Variants in TBCE observed in about 807,000 individuals in gnomAD.
TBCE encodes tubulin folding cofactor E.
A neutral mutation model predicts 77.0 loss-of-function variants in TBCE; 53 were observed. That is an observed-to-expected ratio of 0.69 (90% CI 0.55 to 0.87). The LOEUF is 0.87. Ranked by LOEUF, TBCE falls within the 40% of genes least tolerant of loss-of-function variation. TBCE has a pLI of 0.00. For missense variants in TBCE, 624 were observed against 622.4 expected (o/e 1.00, Z -0.03); for synonymous variants, 235 against 241.3 (o/e 0.97, Z 0.24).
At position 235,451,488 on chromosome 1, in the gene TBCE, A is replaced by AAAAAG. The variant is rs1553342379; in HGVS notation, c.*2728_*2732dup. 138 of 151,976 alleles carry AAAAAG rather than the reference A, an allele frequency of 9.1e-4. 1 individual carries two copies. The highest frequency in any genetic ancestry group is 3.0e-3 in the African/African-American group (125 of 41,450). 9.4% of individuals were successfully genotyped at this position (151,976 alleles called of 1,614,324 possible). A position where few individuals can be genotyped will look rare whatever the true frequency, so the allele number is the denominator to read the frequency against. On this transcript the variant is annotated 3_prime_UTR_variant, in exon 17 of 17. Transcript: ENST00000642610. ...AGATGGTCACAAAAAAAAAAAAAAA[A>AAAAAG]AAAAGACCGCATCAGAAAACAAGCG...
In TBCE at chr1:235,380,138, C is replaced by T; in HGVS notation, c.89C>T (p.Pro30Leu). 2 of 1,609,986 alleles carry T rather than the reference C, an allele frequency of 1.2e-6. No homozygotes were observed. The highest frequency in any genetic ancestry group is 8.5e-7 in the Non-Finnish European group (1 of 1,178,202). Residue 30 changes from proline (P) to leucine (L), a missense_variant, in exon 2 of 17, where the codon CCT becomes CTT. Physicochemically the swap from Pro to Leu is moderately conservative, Grantham distance 98. Transcript: ENST00000642610. ...ACAGTACGTTTTGCTGGTGTTGTCC[C>T]TCCCGTGGCAGGTAAGCAATTATTG... is the stretch of plus-strand genomic sequence containing the variant. The part of the protein sequence containing the change: ...HATVRFAGVV[P>L]PVAGPWLGVE...
Position 235,437,547 on chromosome 1 carries a change from C to T in TBCE, c.1116+73C>T, listed in dbSNP as rs1167013223. ...TGATTTTAGGCCAGGCGCCGTGGCT[C>T]ACACCTGTAATCCCAGCACTTTGGG... On this transcript the variant is annotated intron_variant, in intron 12 of 16. Transcript: ENST00000642610. 5.1e-6 allele frequency: 8 copies of T among 1,566,520 alleles called. No individual in the cohort carries two copies. The South Asian group carries it at 7.9e-5, about 15-fold the overall frequency.
Position 235,380,145 on chromosome 1 carries a change from G to A in TBCE, c.96G>A (p.Val32=), listed in dbSNP as rs781698453. 1.2e-6 allele frequency: 2 copies of A among 1,611,016 alleles called. No homozygotes were observed. Among genetic ancestry groups the A allele is most frequent in the East Asian group, 4.5e-5 (2 of 44,708 alleles). ...TVRFAGVVPP[V]AGPWLGVEWD... ...GTTTTGCTGGTGTTGTCCCTCCCGT[G>A]GCAGGTAAGCAATTATTGTGTGTGT... The change falls in exon 2 of 17, where the codon GTG becomes GTA. Residue 32 remains valine, a synonymous_variant. Transcript: ENST00000642610.
At chr1:235,382,164 A>G (rs1383265404) in intron 2 of TBCE, among the ~76,000 whole-genome samples, 1 of 151,080 alleles carries the variant, frequency 6.6e-6, no homozygotes, top group African/African-American at 2.4e-5. Context: ...TTATGGCTGC[A>G]TAGTATTCCA....
At chr1:235,421,913 A>G (rs186081548) in intron 5 of TBCE, among the ~76,000 whole-genome samples, 19 of 152,302 alleles carry the variant, frequency 1.2e-4, no homozygotes, top group African/African-American at 4.3e-4. Flanking sequence ...AGTGAAGGAA[A>G]TTAGATCAGA....
At chr1:235,438,005 C>G (rs1037951489) in intron 12 of TBCE, among the ~76,000 whole-genome samples, 4 of 152,140 alleles carry the variant, frequency 2.6e-5, no homozygotes, top group Non-Finnish European at 4.4e-5. Flanking sequence ...ACACCAGGCA[C>G]CGTCTCCATG....
At chr1:235,395,758 T>C (rs1678684721) in intron 2 of TBCE, among the ~76,000 whole-genome samples, 1 of 152,116 alleles carries the variant, frequency 6.6e-6, no homozygotes, top group South Asian at 2.1e-4. Flanking sequence ...TTGGCCAGGC[T>C]GCTCTCGAAC....
chr1:235,379,947 C>CAAAAAA (rs36068852), intron 1 of TBCE, 72 bp from the exon 2 acceptor site: 4 of 729,146 alleles, frequency 5.5e-6, no homozygotes, highest in East Asian at 7.8e-5. Context: ...GACTGTGCCT[C>CAAAAAA]AAAAAAAAAA....
At chr1:235,394,017 G>T (rs956989469) in intron 2 of TBCE, among the ~76,000 whole-genome samples, 3 of 152,152 alleles carry the variant, frequency 2.0e-5, no homozygotes, top group Non-Finnish European at 4.4e-5. Context: ...GGTGCATATT[G>T]TAGTTTACTT....
At chr1:235,446,391 G>T (rs371628401) in intron 15 of TBCE, among the ~76,000 whole-genome samples, 1 of 152,058 alleles carries the variant, frequency 6.6e-6, no homozygotes, top group African/African-American at 2.4e-5. Context: ...TGGCCAGGCT[G>T]GTCTCAAACT....
chr1:235,400,622 G>C (rs991907376), intron 2 of TBCE, among the ~76,000 whole-genome samples: 4 of 151,482 alleles, frequency 2.6e-5, no homozygotes, highest in African/African-American at 9.7e-5. Context: ...GGATGGTCTC[G>C]AACTCCTGAC....
At chr1:235,436,280 T>C in intron 9 of TBCE, 106 bp from the exon 10 acceptor site, 1 of 1,017,332 alleles carries the variant, frequency 9.8e-7, no homozygotes, top group Non-Finnish European at 1.5e-6. Flanking sequence ...TTACATGGGA[T>C]TAAAAACCCA....
chr1:235,393,891 A>G (rs1678559457), intron 2 of TBCE, among the ~76,000 whole-genome samples: 1 of 152,204 alleles, frequency 6.6e-6, no homozygotes, highest in Non-Finnish European at 1.5e-5. Context: ...GGGAACATCT[A>G]AAGATTGTAT....
At position 235,449,495 on chromosome 1, in the gene TBCE, C is replaced by A. The variant is rs1253512362; in HGVS notation, c.*733C>A. ...TTTATTCATACTCACACAACTTTAG[C>A]ATTTAAAAACTATGAGTACTAAACT... On this transcript the variant is annotated 3_prime_UTR_variant, in exon 17 of 17. Transcript: ENST00000642610. The A allele has an allele frequency of 6.5e-6, 1 of 152,704 alleles. No individual in the cohort carries two copies. Among genetic ancestry groups the A allele is most frequent in the Non-Finnish European group, 1.5e-5 (1 of 68,422 alleles). The allele number at this position is 152,704 out of a possible 1,614,324, so 9.5% of individuals were successfully genotyped here.
intron 12 of TBCE, among the ~76,000 whole-genome samples, chr1:235,438,135 G>A (rs1681582217): frequency 6.6e-6 from 1 of 152,240 alleles, no homozygotes; most frequent in Admixed American, 6.5e-5. Flanking sequence ...GCACTTTTGT[G>A]CATTCACTGG....
At chr1:235,399,497 C>T (rs191632900) in intron 2 of TBCE, among the ~76,000 whole-genome samples, 15 of 122,876 alleles carry the variant, frequency 1.2e-4, no homozygotes, top group African/African-American at 3.1e-4. Context: ...AAGACCCTCC[C>T]GGAGAGGCTC....
intron 1 of TBCE, among the ~76,000 whole-genome samples, chr1:235,379,061 CTTTTTTCTTTTCTG>C (rs373640848): frequency 2.9e-4 from 44 of 152,210 alleles, no homozygotes; most frequent in African/African-American, 9.6e-4. Flanking sequence ...AGCTGCTCTT[CTTTTTTCTTTTCTG>C]TTTTTTCTTT....
intron 1 of TBCE, among the ~76,000 whole-genome samples, chr1:235,373,051 T>TG (rs1252899351): frequency 1.3e-5 from 2 of 151,914 alleles, no homozygotes; most frequent in African/African-American, 4.8e-5. Context: ...AATGTTAATA[T>TG]GGCCAGTTGA....
chr1:235,429,612 T>C (rs1185814621), intron 6 of TBCE: 1 of 152,212 alleles, frequency 6.6e-6, no homozygotes, highest in East Asian at 1.9e-4. Flanking sequence ...TAAGGATTTT[T>C]CATTAATCTA....
Sources: gnomAD v4.1 joint callset for allele counts (sites outside exome capture counted in the v4.1 genomes callset) on GRCh38, gnomAD v4.1.1 for gene constraint, MANE v1.5 for transcripts, NCBI Gene and HGNC (gene_info 2026-07-23, HGNC 2026-07-21) for gene names.